The following MDGA2 variants were observed in gnomAD, a reference collection of about 807,000 sequenced individuals.
MDGA2 encodes MAM domain containing glycosylphosphatidylinositol anchor 2.
MDGA2 carries 40 observed loss-of-function variants against 117.8 expected under a neutral mutation model. That is an observed-to-expected ratio of 0.34 (90% CI 0.26 to 0.44). The LOEUF is 0.44. MDGA2 is among the 20% of genes least tolerant of loss of function. MDGA2 has a pLI of 1.00. For missense variants in MDGA2, 1,123 were observed against 1,250.6 expected, an observed-to-expected ratio of 0.90 and a Z score of 1.54; for synonymous variants, 452 against 439.0, an observed-to-expected ratio of 1.03 and a Z score of -0.37.
chr14:47,665,347 T>A (rs1157255617), intron 1 of MDGA2, among the ~76,000 whole-genome samples: 1 of 152,214 alleles, frequency 6.6e-6, no homozygotes, highest in Admixed American at 6.5e-5. Flanking sequence ...CATAACCTCT[T>A]TGATTTTACA....
At chr14:47,653,584 A>G (rs1897685265) in intron 1 of MDGA2, among the ~76,000 whole-genome samples, 1 of 152,180 alleles carries the variant, frequency 6.6e-6, no homozygotes, top group South Asian at 2.1e-4. Flanking sequence ...AAAGAAGTTC[A>G]CATCCTAATT....
At chr14:47,600,477 T>C (rs574373576) in intron 1 of MDGA2, among the ~76,000 whole-genome samples, 67 of 152,148 alleles carry the variant, frequency 4.4e-4, no homozygotes, top group African/African-American at 1.5e-3. Context: ...CCCAGGAAAA[T>C]AGTCTAATAC....
At chr14:47,100,457 T>C (rs1880241078) in intron 5 of MDGA2, among the ~76,000 whole-genome samples, 1 of 152,120 alleles carries the variant, frequency 6.6e-6, no homozygotes, top group Admixed American at 6.6e-5. Context: ...CATTACTATA[T>C]AAGGTTAAAC....
Position 47,301,270 on chromosome 14 carries a change from T to TAC in MDGA2, c.420+139_420+140dup, listed in dbSNP as rs201287370. 5.4e-4 allele frequency: 415 copies of TAC among 768,254 alleles called. 4 individuals are homozygous for TAC. Among genetic ancestry groups the TAC allele is most frequent in the South Asian group, 5.3e-3 (264 of 50,096 alleles). The allele number at this position is 768,254 out of a possible 1,614,324, so 47.6% of individuals were successfully genotyped here. A position where few individuals can be genotyped will look rare whatever the true frequency, so the allele number is the denominator to read the frequency against. The stretch of plus-strand genomic sequence containing the variant: ...GTTGCACATATACTTGCACTTGAGT[T>TAC]ACACACACACACACCCACACCCACC... On this transcript the variant is annotated intron_variant, in intron 2 of 16. Transcript: ENST00000399232.
At chr14:46,877,373 C>A in intron 12 of MDGA2, 116 bp downstream of exon 12, 2 of 543,254 alleles carry the variant, frequency 3.7e-6, no homozygotes, top group Non-Finnish European at 6.4e-6. Flanking sequence ...TGATTCTGAA[C>A]AATTGTGTTT....
intron 3 of MDGA2, among the ~76,000 whole-genome samples, chr14:47,160,426 G>A (rs1883585503): frequency 6.6e-6 from 1 of 152,096 alleles, no homozygotes; most frequent in Non-Finnish European, 1.5e-5. Context: ...CTGAGAAGTG[G>A]CTCATGCCTA....
chr14:46,873,248 C>A, intron 14 of MDGA2, 185 bp downstream of exon 14: 3 of 499,254 alleles, frequency 6.0e-6, no homozygotes, highest in Non-Finnish European at 3.4e-6. Flanking sequence ...TGTCAAATTC[C>A]AAATCTAAAT....
intron 2 of MDGA2, among the ~76,000 whole-genome samples, chr14:47,243,807 A>C (rs1887150206): frequency 6.6e-6 from 1 of 151,814 alleles, no homozygotes; most frequent in Non-Finnish European, 1.5e-5. Context: ...TTCCGGACAC[A>C]AAACCAAACG....
At chr14:47,298,691 T>C (rs1889164156) in intron 2 of MDGA2, among the ~76,000 whole-genome samples, 1 of 148,856 alleles carries the variant, frequency 6.7e-6, no homozygotes, top group Non-Finnish European at 1.5e-5. Context: ...TTCTTTTTTT[T>C]TTTTTTTTTT....
chr14:47,136,260 G>A (rs547845612), intron 4 of MDGA2, among the ~76,000 whole-genome samples: 6 of 148,790 alleles, frequency 4.0e-5, no homozygotes, highest in Non-Finnish European at 7.4e-5. Context: ...GTGCAGTGGC[G>A]CAACCTCGGC....
chr14:47,062,295 G>C (rs1012887861), intron 6 of MDGA2, among the ~76,000 whole-genome samples: 1 of 151,954 alleles, frequency 6.6e-6, no homozygotes, highest in Non-Finnish European at 1.5e-5. Flanking sequence ...TAGAAAACAG[G>C]TTTGTATGCT....
intron 3 of MDGA2, among the ~76,000 whole-genome samples, chr14:47,197,737 C>T (rs868788976): frequency 5.3e-5 from 8 of 152,036 alleles, no homozygotes; most frequent in South Asian, 2.1e-4. Flanking sequence ...GGTGAAACCC[C>T]GTCTCTACTA....
At chr14:47,630,585 C>G (rs1897237218) in intron 1 of MDGA2, among the ~76,000 whole-genome samples, 1 of 152,140 alleles carries the variant, frequency 6.6e-6, no homozygotes, top group African/African-American at 2.4e-5. Flanking sequence ...GAATCCTATA[C>G]TTTCAGTTGT....
intron 1 of MDGA2, among the ~76,000 whole-genome samples, chr14:47,507,211 G>A (rs1157154622): frequency 1.3e-5 from 2 of 152,016 alleles, no homozygotes; most frequent in Admixed American, 6.6e-5. Context: ...TTATAACAAA[G>A]GACTATCCAG....
intron 9 of MDGA2, among the ~76,000 whole-genome samples, chr14:46,940,501 G>A (rs1480121805): frequency 2.6e-5 from 4 of 151,826 alleles, no homozygotes; most frequent in South Asian, 2.1e-4. Flanking sequence ...GATGGCGGGC[G>A]CCTGTAATCC....
intron 2 of MDGA2, among the ~76,000 whole-genome samples, chr14:47,263,266 C>G (rs752195813): frequency 1.3e-5 from 2 of 152,030 alleles, no homozygotes; most frequent in South Asian, 2.1e-4. Context: ...TAGTTAGGCA[C>G]GTGGATTCAA....
intron 8 of MDGA2, among the ~76,000 whole-genome samples, chr14:46,970,077 A>G (rs964551623): frequency 1.5e-4 from 23 of 151,396 alleles, no homozygotes; most frequent in Admixed American, 2.6e-4. Context: ...AAGACATTCC[A>G]TTTTCATGAA....
At chr14:47,064,596 G>A (rs1162900442) in intron 6 of MDGA2, among the ~76,000 whole-genome samples, 1 of 151,970 alleles carries the variant, frequency 6.6e-6, no homozygotes, top group Non-Finnish European at 1.5e-5. Flanking sequence ...AGTTTTTCAT[G>A]TCTACGTGGT....
intron 1 of MDGA2, among the ~76,000 whole-genome samples, chr14:47,636,552 G>C (rs1009811058): frequency 6.6e-6 from 1 of 152,100 alleles, no homozygotes; most frequent in Non-Finnish European, 1.5e-5. Flanking sequence ...GGAAGGCCAA[G>C]GTGGGCAGAT....
Sources: gnomAD v4.1 joint callset for allele counts (sites outside exome capture counted in the v4.1 genomes callset) on GRCh38, gnomAD v4.1.1 for gene constraint, MANE v1.5 for transcripts, NCBI Gene and HGNC (gene_info 2026-07-23, HGNC 2026-07-21) for gene names.